LRBA: variants seen among roughly 807,000 people sequenced by gnomAD.
The protein encoded by LRBA is lipopolysaccharide-responsive and beige-like anchor protein.
LRBA carries 176 observed loss-of-function variants against 330.0 expected under a neutral mutation model. The observed-to-expected ratio is 0.53, with a 90% CI of 0.47 to 0.60. The LOEUF (loss-of-function observed/expected upper bound fraction) is 0.60. Ranked by LOEUF, LRBA falls within the 20% of genes least tolerant of loss-of-function variation. LRBA has a pLI of 0.00. For missense variants in LRBA, 3,259 were observed against 3,444.8 expected, an observed-to-expected ratio of 0.95 and a Z score of 1.35; for synonymous variants, 1,230 against 1,193.0, an observed-to-expected ratio of 1.03 and a Z score of -0.64.
At position 150,831,837 on chromosome 4, in the gene LRBA, T is replaced by C. The variant is rs1215643532; in HGVS notation, c.4709A>G (p.Asn1570Ser). Residue 1570 changes from asparagine to serine, a missense_variant, in exon 29 of 57, where the codon AAT (asparagine) becomes AGT (serine). By Grantham distance (46) the Asn-to-Ser change is conservative. Transcript: ENST00000651943. ...SQSCTETGSENENVSLSEITP... is the reference protein window; with the variant it reads ...SQSCTETGSESENVSLSEITP... ...CTTACCAGAGAGTGATACATTCTCA[T>C]TTTCACTGCCAGTTTCTGTACATGA... The C allele has an allele frequency of 6.3e-7, 1 of 1,598,110 alleles. No homozygotes were observed. The highest frequency in any genetic ancestry group is 1.2e-5 in the South Asian group (1 of 86,924).
chr4:150,801,851 T>C (rs1741656494), intron 33 of LRBA, among the ~76,000 whole-genome samples: 1 of 151,984 alleles, frequency 6.6e-6, no homozygotes, highest in African/African-American at 2.4e-5. Context: ...TTTGCCCCAT[T>C]GAGACTGCAA....
chr4:150,733,391 C>T (rs184374190), intron 36 of LRBA, among the ~76,000 whole-genome samples: 87 of 152,086 alleles, frequency 5.7e-4, no homozygotes, highest in African/African-American at 2.0e-3. Context: ...CTGACTTTAA[C>T]TTACTCTCAA....
intron 44 of LRBA, among the ~76,000 whole-genome samples, chr4:150,461,144 C>T (rs79444204): frequency 6.6e-6 from 1 of 151,798 alleles, no homozygotes; most frequent in East Asian, 1.9e-4. Context: ...AGAAAAAAAG[C>T]TTTCCTTTTT....
At chr4:150,465,715 C>T (rs1037754076) in intron 44 of LRBA, among the ~76,000 whole-genome samples, 1 of 151,992 alleles carries the variant, frequency 6.6e-6, no homozygotes, top group African/African-American at 2.4e-5. Context: ...TTAGGAGTCT[C>T]TACAAATTCT....
chr4:150,279,630 A>C (rs1300836446), intron 55 of LRBA, among the ~76,000 whole-genome samples: 2 of 152,250 alleles, frequency 1.3e-5, no homozygotes, highest in Non-Finnish European at 1.5e-5. Flanking sequence ...CCCAAATGCC[A>C]ACTTTTAGTA....
chr4:150,440,231 AAAGT>A (rs1254858526), intron 44 of LRBA, among the ~76,000 whole-genome samples: 1 of 152,188 alleles, frequency 6.6e-6, no homozygotes, highest in Non-Finnish European at 1.5e-5. Context: ...AAAATCAGTA[AAAGT>A]AAGTATTGAT....
chr4:150,314,304 A>G (rs1220822581), intron 51 of LRBA, among the ~76,000 whole-genome samples: 4 of 152,290 alleles, frequency 2.6e-5, no homozygotes, highest in Non-Finnish European at 5.9e-5. Context: ...ATGGCAAATC[A>G]TATCTACTCA....
Position 150,852,079 on chromosome 4 carries a change from C to T in LRBA, c.3631G>A (p.Glu1211Lys). 2 of 1,614,134 alleles carry T rather than the reference C, an allele frequency of 1.2e-6. No homozygotes were observed. ...VESDLGQMLE[E>K]GKKATNLTRE... ...GTGAGGTTAGTTGCTTTCTTCCCTTCCTCCAGCATCTGACCAAGGTCTGAT... is the reference window on the plus strand; with the variant it reads ...GTGAGGTTAGTTGCTTTCTTCCCTTTCTCCAGCATCTGACCAAGGTCTGAT... Residue 1211 changes from glutamate to lysine, a missense_variant, in exon 23 of 57, where the codon GAA becomes AAA. Transcript: ENST00000651943.
Position 150,998,977 on chromosome 4 carries a change from C to T in LRBA, c.216+15450G>A, listed in dbSNP as rs546687214. Among the ~76,000 whole-genome samples the T allele has an allele frequency of 2.0e-5, 3 of 152,348 alleles. No homozygotes were observed. In the South Asian group the frequency reaches 6.2e-4, roughly 32 times the overall value. The stretch of plus-strand genomic sequence containing the variant: ...TTCAATGGCTATCACACATTCATCA[C>T]TTCGTTATACCTTAGACTTCCAGCA... On this transcript the variant is annotated intron_variant, in intron 2 of 56. Coordinates refer to ENST00000651943, the MANE Select transcript of LRBA (RefSeq NM_001364905.1).
chr4:150,917,104 G>A (rs1257758288), intron 5 of LRBA, among the ~76,000 whole-genome samples: 1 of 151,344 alleles, frequency 6.6e-6, no homozygotes, highest in Non-Finnish European at 1.5e-5. Context: ...AGTGAGCCGA[G>A]ACCACACCAC....
At chr4:150,324,076 G>A (rs537454987) in intron 49 of LRBA, among the ~76,000 whole-genome samples, 1 of 152,272 alleles carries the variant, frequency 6.6e-6, no homozygotes, top group East Asian at 1.9e-4. Flanking sequence ...TAAAGGTAAT[G>A]GAAAAGACGG....
chr4:150,531,603 T>C (rs1444607631), intron 40 of LRBA, among the ~76,000 whole-genome samples: 2 of 152,234 alleles, frequency 1.3e-5, no homozygotes, highest in East Asian at 3.8e-4. Flanking sequence ...TTAGAATAAA[T>C]TTTCTAGCAT....
chr4:150,896,897 G>A (rs996775117), intron 15 of LRBA, among the ~76,000 whole-genome samples: 1 of 151,192 alleles, frequency 6.6e-6, no homozygotes, highest in East Asian at 1.9e-4. Context: ...AATCTCACTC[G>A]GGAAAAGAAA....
intron 37 of LRBA, among the ~76,000 whole-genome samples, chr4:150,617,183 G>A (rs1303291928): frequency 2.6e-5 from 4 of 152,112 alleles, no homozygotes. Context: ...CTAACAAGCA[G>A]CAATACTATC....
chr4:150,548,716 A>G (rs115172652), intron 40 of LRBA, among the ~76,000 whole-genome samples: 172 of 152,294 alleles, frequency 1.1e-3, no homozygotes, highest in African/African-American at 3.9e-3. Context: ...TCACAACTCA[A>G]TAAGTGCTAC....
intron 47 of LRBA, among the ~76,000 whole-genome samples, chr4:150,385,136 A>T (rs1742875280): frequency 6.6e-6 from 1 of 152,210 alleles, no homozygotes; most frequent in African/African-American, 2.4e-5. Flanking sequence ...TGTATGTAAA[A>T]AAATAAATAA....
At chr4:150,881,204 A>C (rs1728343639) in intron 17 of LRBA, among the ~76,000 whole-genome samples, 1 of 152,224 alleles carries the variant, frequency 6.6e-6, no homozygotes, top group African/African-American at 2.4e-5. Flanking sequence ...TCTACCAACA[A>C]CACATGCACT....
intron 31 of LRBA, among the ~76,000 whole-genome samples, chr4:150,809,850 AATACG>A (rs70941451): frequency 0.087 from 7,617 of 87,562 alleles, 40 homozygotes; most frequent in East Asian, 0.093. Flanking sequence ...CCTGTCTTAA[AATACG>A]ATACGATACG....
intron 49 of LRBA, 60 bp downstream of exon 49, chr4:150,325,749 T>C (rs976600532): frequency 9.7e-6 from 11 of 1,132,154 alleles, no homozygotes; most frequent in East Asian, 4.7e-5. Context: ...AAGACTGTTA[T>C]GAATATCAAG....
Sources: allele counts gnomAD v4.1 joint callset (sites outside exome capture counted in the v4.1 genomes callset), GRCh38; gene constraint gnomAD v4.1.1; transcripts MANE v1.5; gene names NCBI Gene and HGNC (gene_info 2026-07-23, HGNC 2026-07-21).